Variants in BLCAP observed in about 807,000 individuals in gnomAD.
The protein encoded by BLCAP is apoptosis inducing factor BLCAP.
A neutral mutation model predicts 5.7 loss-of-function variants in BLCAP; 1 was observed. The observed-to-expected ratio is 0.18, with a 90% confidence interval of 0.06 to 0.83. The LOEUF is 0.83. Among genes scored for constraint, BLCAP ranks in the 40% least tolerant of loss-of-function variants. The probability of loss-of-function intolerance (pLI) is 0.71; values close to 1 mark genes in which losing one functional copy is unlikely to be tolerated. For synonymous variants in BLCAP, 48 were observed against 49.4 expected, an observed-to-expected ratio of 0.97 and a Z score of 0.11; for missense variants, 66 against 107.6, an observed-to-expected ratio of 0.61 and a Z score of 1.71.
rs1035037055 is a variant in BLCAP, at chr20:37,518,684, G to A, written c.*227C>T. Reference sequence around the variant, plus strand: ...GCCAGCCAGGACCTAGATGGGGACAGAACACACACAACCACAAGACCACCC... The same window carrying A: ...GCCAGCCAGGACCTAGATGGGGACAAAACACACACAACCACAAGACCACCC... On this transcript the variant is annotated 3_prime_UTR_variant, in exon 2 of 2. Coordinates refer to ENST00000373537, the MANE Select transcript of BLCAP (RefSeq NM_006698.4). 1.6e-6 allele frequency: 1 copy of A among 623,634 alleles called. No individual in the cohort carries two copies. Among genetic ancestry groups the A allele is most frequent in the Non-Finnish European group, 2.7e-6 (1 of 368,560 alleles). 38.6% of individuals were successfully genotyped at this position (623,634 alleles called of 1,614,324 possible). A position where few individuals can be genotyped will look rare whatever the true frequency, so the allele number is the denominator to read the frequency against.
chr20:37,521,476 G>A lies in BLCAP; in HGVS notation c.-176-2126C>T. On this transcript the variant is annotated intron_variant, in intron 1 of 1. Transcript: ENST00000373537. This position sits in a 1 kb window ranked among gnomAD's most constrained non-coding sequence, Gnocchi z 4.5. ...CCTAGAACCCGCAAGACTGCGTCGC[G>A]ATTGCCGCTTCCCGGACCCGTCCTA... The A allele has an allele frequency of 6.9e-7, 1 of 1,444,788 alleles. No individual in the cohort carries two copies. The allele number at this position is 1,444,788 out of a possible 1,614,324, so 89.5% of individuals were successfully genotyped here.
At chr20:37,519,404 CAAA>C (rs543149253) in intron 1 of BLCAP, 54 bp from the exon 2 acceptor site, 9 of 42,998 alleles carry the variant, frequency 2.1e-4, no homozygotes, top group Admixed American at 5.5e-4. Flanking sequence ...GACAGACAGA[CAAA>C]AAAAAAAAAA....
At chr20:37,526,478 G>A (rs1977374125) in intron 1 of BLCAP, among the ~76,000 whole-genome samples, 1 of 152,066 alleles carries the variant, frequency 6.6e-6, no homozygotes. Context: ...CAGGGCCCAT[G>A]CATGCCCCAG....
In BLCAP at chr20:37,519,185, G is replaced by A. The variant is rs755134584; in HGVS notation, c.-11C>T. Reference sequence around the variant, plus strand: ...CTGGAGGCAATACATGATCTCTGCCGGGCAGGGCCTTCACCAAGGCTGCCG... The same window carrying A: ...CTGGAGGCAATACATGATCTCTGCCAGGCAGGGCCTTCACCAAGGCTGCCG... On this transcript the variant is annotated 5_prime_UTR_variant, in exon 2 of 2. Coordinates refer to ENST00000373537, the MANE Select transcript of BLCAP (RefSeq NM_006698.4). 19 of 1,568,266 alleles carry A rather than the reference G, an allele frequency of 1.2e-5. 1 individual carries two copies. Among genetic ancestry groups the A allele is most frequent in the East Asian group, 2.4e-5 (1 of 42,474 alleles).
chr20:37,526,487 A>C (rs2071724624), intron 1 of BLCAP, among the ~76,000 whole-genome samples: 1 of 152,030 alleles, frequency 6.6e-6, no homozygotes, highest in Non-Finnish European at 1.5e-5. Context: ...TGCATGCCCC[A>C]GCAGGATCCA....
rs200769415 is a variant in BLCAP, at chr20:37,518,855, T to C, written c.*56A>G. On this transcript the variant is annotated 3_prime_UTR_variant, in exon 2 of 2. Transcript: ENST00000373537. ...TGAAACTCCAATGCTTTATGACCTA[T>C]GTCAATGCCTCCCCTCCCGTCTTCT... is the stretch of plus-strand genomic sequence containing the variant. 7.0e-4 allele frequency: 1,108 copies of C among 1,592,194 alleles called. No homozygotes were observed. The highest frequency in any genetic ancestry group is 8.9e-4 in the Non-Finnish European group (1,037 of 1,170,412).
chr20:37,522,478 C>A (rs748958704), intron 1 of BLCAP: 8 of 1,570,504 alleles, frequency 5.1e-6, no homozygotes, highest in Non-Finnish European at 7.0e-6. Context: ...TGCCGCCATG[C>A]AGCTCTCAGC....
chr20:37,519,696 C>T (rs2071504290), intron 1 of BLCAP, among the ~76,000 whole-genome samples: 1 of 152,206 alleles, frequency 6.6e-6, no homozygotes, highest in African/African-American at 2.4e-5. Flanking sequence ...CCTGGGGCTG[C>T]AGCCCGTCCT....
At chr20:37,527,575 T>C (rs958521191) in intron 1 of BLCAP, 2 of 152,180 alleles carry the variant, frequency 1.3e-5, no homozygotes, top group African/African-American at 2.4e-5. Flanking sequence ...ATGACCCACC[T>C]CCGGGCTGGG....
chr20:37,525,873 C>T (rs971634976), intron 1 of BLCAP, among the ~76,000 whole-genome samples: 1 of 152,188 alleles, frequency 6.6e-6, no homozygotes, highest in African/African-American at 2.4e-5. Context: ...CCCCACAAGG[C>T]CAAGGACAGA....
At chr20:37,522,828 C>A in intron 1 of BLCAP, 1 of 1,406,678 alleles carries the variant, frequency 7.1e-7, no homozygotes, top group Non-Finnish European at 9.6e-7. Context: ...AGCACGGGAG[C>A]CAGTGCCGCG....
At chr20:37,520,048 C>T (rs1430180060) in intron 1 of BLCAP, among the ~76,000 whole-genome samples, 1 of 152,236 alleles carries the variant, frequency 6.6e-6, no homozygotes, top group African/African-American at 2.4e-5. Flanking sequence ...TTTGTCCAAA[C>T]TGAACTCGTT....
intron 1 of BLCAP, 198 bp downstream of exon 1, chr20:37,527,595 C>G (rs1397981067): frequency 6.6e-6 from 1 of 152,422 alleles, no homozygotes; most frequent in Non-Finnish European, 1.5e-5. Flanking sequence ...GAAGGGACCC[C>G]CCAAGGCCCA....
chr20:37,527,365 C>G (rs1436070846), intron 1 of BLCAP, among the ~76,000 whole-genome samples: 1 of 150,632 alleles, frequency 6.6e-6, no homozygotes, highest in African/African-American at 2.5e-5. Context: ...CCACCTCCCC[C>G]CCAAAAAAGC....
At chr20:37,519,404 CAAAAAAAAAAAAAAAAA>C (rs543149253) in intron 1 of BLCAP, 54 bp from the exon 2 acceptor site, 1 of 42,962 alleles carries the variant, frequency 2.3e-5, no homozygotes, top group Non-Finnish European at 4.2e-5. Flanking sequence ...GACAGACAGA[CAAAAAAAAAAAAAAAAA>C]AAGAAAAAAA....
At chr20:37,526,609 G>A (rs541313461) in intron 1 of BLCAP, 2 of 152,128 alleles carry the variant, frequency 1.3e-5, no homozygotes, top group African/African-American at 4.8e-5. Flanking sequence ...AAAGATAGGA[G>A]AACAACAACA....
chr20:37,525,108 C>G (rs1194844465), intron 1 of BLCAP, among the ~76,000 whole-genome samples: 1 of 152,166 alleles, frequency 6.6e-6, no homozygotes, highest in East Asian at 1.9e-4. Context: ...CAGGCAATGC[C>G]CACACCTCCT....
At chr20:37,520,273 T>C (rs1463314764) in intron 1 of BLCAP, 9 of 152,226 alleles carry the variant, frequency 5.9e-5, no homozygotes, top group Non-Finnish European at 1.3e-4. Context: ...AAATCCGCGC[T>C]GTGCGAGGGA....
Position 37,519,973 on chromosome 20 carries a change from C to T in BLCAP, c.-176-623G>A, listed in dbSNP as rs149148408. ...AGCTTGCCTTTTTCAAACAGCCCAG[C>T]GTCACTTTGCCAGAATCTGCCAACT... On this transcript the variant is annotated intron_variant, in intron 1 of 1. Transcript: ENST00000373537. Among the ~76,000 whole-genome samples, 1,089 of 152,350 alleles carry T rather than the reference C, an allele frequency of 7.1e-3. 6 individuals are homozygous for T. Among genetic ancestry groups the T allele is most frequent in the South Asian group, 0.03 (147 of 4,830 alleles).
Sources: allele counts gnomAD v4.1 joint callset (sites outside exome capture counted in the v4.1 genomes callset), GRCh38; gene constraint gnomAD v4.1.1; non-coding constraint Gnocchi (gnomAD v3.1); transcripts MANE v1.5; gene names NCBI Gene and HGNC (gene_info 2026-07-23, HGNC 2026-07-21).